GLYATL2: variants seen among roughly 807,000 people sequenced by gnomAD.
GLYATL2 encodes the protein glycine N-acyltransferase-like protein 2.
In GLYATL2, 25 loss-of-function variants were observed where a neutral mutation model predicts 21.4. The observed-to-expected ratio is 1.17, with a 90% CI of 0.85 to 1.63. The LOEUF (loss-of-function observed/expected upper bound fraction) is 1.63, where lower values mean the gene tolerates loss of function less well. Ranked by LOEUF, GLYATL2 falls within the 40% of genes most tolerant of loss-of-function variation. The pLI, the probability that GLYATL2 is intolerant of heterozygous loss-of-function variation, is 0.00. For synonymous variants in GLYATL2, 114 were observed against 118.2 expected, an observed-to-expected ratio of 0.96 and a Z score of 0.23; for missense variants, 361 against 343.3, an observed-to-expected ratio of 1.05 and a Z score of -0.41.
chr11:58,907,335 T>G (rs1565115078), upstream of GLYATL2: 1 of 456,308 alleles, frequency 2.2e-6, no homozygotes, highest in Non-Finnish European at 4.4e-6. Context: ...TTTGTCTTGC[T>G]GCCCTTCCTT....
chr11:58,872,953 T>C (rs1485317146), intron 1 of GLYATL2, among the ~76,000 whole-genome samples: 1 of 152,224 alleles, frequency 6.6e-6, no homozygotes, highest in Non-Finnish European at 1.5e-5. Flanking sequence ...TATCCTCTTT[T>C]ATTTCCTTGA....
At chr11:58,841,450 G>GA (rs1248001365) in intron 1 of GLYATL2, among the ~76,000 whole-genome samples, 1 of 152,188 alleles carries the variant, frequency 6.6e-6, no homozygotes, top group Non-Finnish European at 1.5e-5. Flanking sequence ...TTCATTGCCA[G>GA]AAAAGGTATG....
intron 2 of GLYATL2, among the ~76,000 whole-genome samples, chr11:58,839,236 C>G (rs1853500348): frequency 6.6e-6 from 1 of 152,054 alleles, no homozygotes; most frequent in South Asian, 2.1e-4. Context: ...ATATAGATGA[C>G]TCTCATCACA....
At chr11:58,840,077 T>C (rs1286889450) in intron 1 of GLYATL2, among the ~76,000 whole-genome samples, 1 of 151,824 alleles carries the variant, frequency 6.6e-6, no homozygotes, top group African/African-American at 2.4e-5. Flanking sequence ...GGGTACTATT[T>C]TCAGCTATCA....
intron 1 of GLYATL2, among the ~76,000 whole-genome samples, chr11:58,896,401 C>T (rs1301515489): frequency 3.3e-5 from 5 of 152,170 alleles, no homozygotes; most frequent in African/African-American, 7.2e-5. Context: ...TTTCAATGCA[C>T]GAGGAAACTC....
intron 1 of GLYATL2, among the ~76,000 whole-genome samples, chr11:58,872,704 G>A (rs1854147570): frequency 6.6e-6 from 1 of 152,224 alleles, no homozygotes. Context: ...AGTATAGTTT[G>A]AAGTCAGGTA....
intron 1 of GLYATL2, among the ~76,000 whole-genome samples, chr11:58,853,638 C>G (rs1367580401): frequency 6.6e-6 from 1 of 152,106 alleles, no homozygotes; most frequent in Non-Finnish European, 1.5e-5. Context: ...TGAAACAAAT[C>G]TATGTCCTTA....
intron 1 of GLYATL2, among the ~76,000 whole-genome samples, chr11:58,901,863 C>G (rs1326902421): frequency 6.6e-6 from 1 of 152,212 alleles, no homozygotes; most frequent in Non-Finnish European, 1.5e-5. Context: ...CTCTACCCCC[C>G]ATTCATCTCC....
chr11:58,843,625 A>AG (rs1297618306), intron 1 of GLYATL2, among the ~76,000 whole-genome samples: 3 of 152,198 alleles, frequency 2.0e-5, no homozygotes, highest in Non-Finnish European at 4.4e-5. Flanking sequence ...GAAGAGAAAA[A>AG]GTAAAGTAGG....
chr11:58,845,761 G>A (rs1381423826), upstream of GLYATL2, among the ~76,000 whole-genome samples: 1 of 152,174 alleles, frequency 6.6e-6, no homozygotes, highest in Non-Finnish European at 1.5e-5. Context: ...CTAACCAGTG[G>A]CAATGTCTGG....
intron 1 of GLYATL2, among the ~76,000 whole-genome samples, chr11:58,880,473 A>G (rs1194656428): frequency 6.6e-6 from 1 of 152,180 alleles, no homozygotes; most frequent in Non-Finnish European, 1.5e-5. Context: ...GACAGATGGA[A>G]CACAAGTTTT....
chr11:58,889,386 T>A (rs1013725375), intron 1 of GLYATL2, among the ~76,000 whole-genome samples: 10 of 151,992 alleles, frequency 6.6e-5, no homozygotes, highest in African/African-American at 2.4e-4. Flanking sequence ...GGGTTTTTAG[T>A]TTCTTGCCTT....
chr11:58,882,292 A>C (rs750957516), intron 1 of GLYATL2, among the ~76,000 whole-genome samples: 10 of 152,178 alleles, frequency 6.6e-5, no homozygotes, highest in Non-Finnish European at 1.5e-4. Flanking sequence ...GTGAGATGGT[A>C]TCTCGTTGTG....
At chr11:58,867,582 C>G (rs1055858367) in intron 1 of GLYATL2, among the ~76,000 whole-genome samples, 2 of 148,880 alleles carry the variant, frequency 1.3e-5, no homozygotes. Context: ...GTCCCTCACA[C>G]AGCCTGAAAA....
chr11:58,862,279 C>A (rs1853945917), intron 1 of GLYATL2, among the ~76,000 whole-genome samples: 1 of 152,090 alleles, frequency 6.6e-6, no homozygotes, highest in East Asian at 1.9e-4. Context: ...TAAAATATAT[C>A]TTGTATTCTT....
At chr11:58,907,177 A>T, upstream of GLYATL2, 1 of 450,296 alleles carries the variant, frequency 2.2e-6, no homozygotes, top group Non-Finnish European at 4.5e-6. Flanking sequence ...ACACAGTTGA[A>T]TACTTTAGGG....
chr11:58,876,492 A>G (rs960383570), intron 1 of GLYATL2, among the ~76,000 whole-genome samples: 17 of 152,074 alleles, frequency 1.1e-4, no homozygotes, highest in African/African-American at 3.9e-4. Flanking sequence ...TCTGTTTGTT[A>G]GTTTTCCTTC....
intron 1 of GLYATL2, among the ~76,000 whole-genome samples, chr11:58,841,666 A>T (rs1272817881): frequency 6.6e-6 from 1 of 152,226 alleles, no homozygotes; most frequent in Non-Finnish European, 1.5e-5. Flanking sequence ...CAGATCTAGA[A>T]AAAGCTAATG....
Position 58,834,623 on chromosome 11 carries a change from T to G in GLYATL2, c.691A>C (p.Lys231Gln), listed in dbSNP as rs768245538. The G allele has an allele frequency of 5.6e-6, 9 of 1,613,654 alleles. No homozygotes were observed. The highest frequency in any genetic ancestry group is 1.7e-4 in the Middle Eastern group (1 of 5,770). The stretch of plus-strand genomic sequence containing the variant: ...AACATGTTGCCTTGGTGTCTGTATT[T>G]GGGGACAGTATAACCCATTCTCAAC... ...CELRMGYTVP[K>Q]YRHQGNMLQI... The change falls in exon 6 of 6, where the codon AAA becomes CAA. Residue 231 changes from lysine to glutamine, a missense_variant. Physicochemically the swap from Lys to Gln is moderately conservative, Grantham distance 53. Coordinates refer to ENST00000287275, the MANE Select transcript of GLYATL2 (RefSeq NM_145016.4).
Sources: allele counts gnomAD v4.1 joint callset (sites outside exome capture counted in the v4.1 genomes callset), GRCh38; gene constraint gnomAD v4.1.1; transcripts MANE v1.5; gene names NCBI Gene and HGNC (gene_info 2026-07-23, HGNC 2026-07-21).